RELN: variants seen among roughly 807,000 people sequenced by gnomAD.
RELN encodes the protein reelin.
A neutral mutation model predicts 427.6 loss-of-function variants in RELN; 108 were observed. The ratio of observed to expected loss-of-function variants is 0.25; its 90% confidence interval spans 0.22 to 0.30. The LOEUF (loss-of-function observed/expected upper bound fraction) is 0.30, where lower values mean the gene tolerates loss of function less well. RELN is among the 10% of genes least tolerant of loss of function. The pLI is 1.00. For synonymous variants in RELN, 1,524 were observed against 1,513.4 expected, an observed-to-expected ratio of 1.01 and a Z score of -0.16; for missense variants, 3,715 against 4,302.8, an observed-to-expected ratio of 0.86 and a Z score of 3.82.
At chr7:103,660,034 A>G (rs1206433721) in intron 12 of RELN, among the ~76,000 whole-genome samples, 1 of 152,170 alleles carries the variant, frequency 6.6e-6, no homozygotes, top group Non-Finnish European at 1.5e-5. Context: ...GCTTTGTTCC[A>G]GAAAAAATTA....
intron 1 of RELN, among the ~76,000 whole-genome samples, chr7:103,919,333 G>A (rs553890886): frequency 1.7e-4 from 26 of 149,318 alleles, no homozygotes; most frequent in African/African-American, 6.7e-4. Context: ...CAGCCCACAT[G>A]TTTTCACTGA....
intron 3 of RELN, among the ~76,000 whole-genome samples, chr7:103,797,531 T>C (rs1792338178): frequency 1.3e-5 from 2 of 152,230 alleles, no homozygotes; most frequent in African/African-American, 4.8e-5. Context: ...CCGTGGTTCA[T>C]TTGTCCTTAA....
At chr7:103,537,865 A>C (rs976638726) in intron 45 of RELN, among the ~76,000 whole-genome samples, 9 of 152,186 alleles carry the variant, frequency 5.9e-5, no homozygotes, top group Non-Finnish European at 1.3e-4. Flanking sequence ...TCAAGCATCA[A>C]GGTCCACTTA....
intron 48 of RELN, 57 bp from the exon 49 acceptor site, chr7:103,519,573 A>G: frequency 7.4e-7 from 1 of 1,348,990 alleles, no homozygotes; most frequent in Non-Finnish European, 1.0e-6. Flanking sequence ...TGCAGATTAT[A>G]GATTTTCTAT....
At chr7:103,627,205 C>T (rs1052605325) in intron 20 of RELN, among the ~76,000 whole-genome samples, 1 of 151,946 alleles carries the variant, frequency 6.6e-6, no homozygotes, top group Non-Finnish European at 1.5e-5. Context: ...GAAAAAAGGT[C>T]ATTGAAGGGC....
At chr7:103,914,628 C>G (rs979088727) in intron 2 of RELN, among the ~76,000 whole-genome samples, 1 of 151,988 alleles carries the variant, frequency 6.6e-6, no homozygotes, top group Non-Finnish European at 1.5e-5. Flanking sequence ...GGCTACCCAG[C>G]ATCTTATGAA....
intron 56 of RELN, 115 bp downstream of exon 56, chr7:103,496,411 G>A: frequency 7.3e-7 from 1 of 1,371,178 alleles, no homozygotes; most frequent in Non-Finnish European, 1.0e-6. Flanking sequence ...CATTTGTTGA[G>A]CAGGAGTATG....
At chr7:103,547,127 T>C (rs1342261882) in intron 41 of RELN, among the ~76,000 whole-genome samples, 1 of 152,212 alleles carries the variant, frequency 6.6e-6, no homozygotes, top group Admixed American at 6.5e-5. Context: ...CCTGTGAATC[T>C]TCCCAATTTT....
chr7:103,648,246 C>T (rs975219776), intron 16 of RELN, among the ~76,000 whole-genome samples: 4 of 151,902 alleles, frequency 2.6e-5, no homozygotes, highest in Non-Finnish European at 4.4e-5. Context: ...ATAGTGAGTT[C>T]TAACAAGATT....
chr7:103,578,207 G>A (rs1409807735), intron 28 of RELN, among the ~76,000 whole-genome samples: 2 of 152,092 alleles, frequency 1.3e-5, no homozygotes, highest in Non-Finnish European at 2.9e-5. Flanking sequence ...GAGTGAGGAG[G>A]TATCCTTGTT....
rs527934134 is a variant in RELN at position 103,798,316 on chromosome 7, T to G, written c.474-21689A>C. On this transcript the variant is annotated intron_variant, in intron 3 of 64. Coordinates refer to ENST00000428762, the MANE Select transcript of RELN (RefSeq NM_005045.4). ...TAGGTTCAAATCTTAGCTACAATAC[T>G]CCATAGTATTAAGATCTTTGGCAAA... Among the ~76,000 whole-genome samples, 8 of 152,304 alleles carry G rather than the reference T, an allele frequency of 5.3e-5. No homozygotes were observed. In the South Asian group the frequency reaches 1.4e-3, roughly 28 times the overall value.
chr7:103,778,762 G>C (rs893979684), intron 3 of RELN, among the ~76,000 whole-genome samples: 16 of 152,162 alleles, frequency 1.1e-4, no homozygotes, highest in African/African-American at 3.6e-4. Flanking sequence ...TAATGACAGA[G>C]TAATTGAACC....
At chr7:103,803,207 T>TA (rs1191585800) in intron 3 of RELN, among the ~76,000 whole-genome samples, 1 of 152,140 alleles carries the variant, frequency 6.6e-6, no homozygotes, top group African/African-American at 2.4e-5. Context: ...ACTTACTTTA[T>TA]AAATGCATTT....
intron 1 of RELN, among the ~76,000 whole-genome samples, chr7:103,976,113 G>A (rs1209921224): frequency 4.6e-5 from 7 of 152,156 alleles, no homozygotes. Context: ...GGTGCTACAG[G>A]GTTTGAGAGG....
rs1832892960 is a variant in RELN, at chr7:103,650,517, C to T, written c.1893-134G>A. On this transcript the variant is annotated intron_variant, in intron 15 of 64. Coordinates refer to ENST00000428762, the MANE Select transcript of RELN (RefSeq NM_005045.4). ...AGTTTACCAATAAACTCTTTAAATT[C>T]ACTTGTGGAATTTGTTTGTATCTTT... 4.2e-6 allele frequency: 3 copies of T among 719,712 alleles called. No individual in the cohort carries two copies. The South Asian group carries it at 4.5e-5, about 11-fold the overall frequency. The allele number at this position is 719,712 out of a possible 1,614,324, so 44.6% of individuals were successfully genotyped here.
intron 2 of RELN, among the ~76,000 whole-genome samples, chr7:103,887,628 G>A (rs576179183): frequency 1.3e-5 from 2 of 152,254 alleles, no homozygotes; most frequent in East Asian, 1.9e-4. Flanking sequence ...GAGAGAATTA[G>A]GAACTGGATG....
At chr7:103,750,877 T>C (rs1278906076) in intron 5 of RELN, among the ~76,000 whole-genome samples, 1 of 152,200 alleles carries the variant, frequency 6.6e-6, no homozygotes, top group Admixed American at 6.5e-5. Flanking sequence ...ACATTTGAGG[T>C]ATATTGAATA....
At chr7:103,827,896 G>T (rs39353) in intron 3 of RELN, among the ~76,000 whole-genome samples, 55,848 of 151,790 alleles carry the variant, frequency 0.37, 10,652 homozygotes, top group Non-Finnish European at 0.42. Flanking sequence ...CAGAGCATAG[G>T]TACAATCATT....
intron 4 of RELN, among the ~76,000 whole-genome samples, chr7:103,770,913 CTTT>C (rs751942279): frequency 4.2e-5 from 5 of 119,128 alleles, no homozygotes; most frequent in Non-Finnish European, 8.4e-5. Context: ...CAATCGCTTA[CTTT>C]TTTTTTTTTT....
Sources: allele counts gnomAD v4.1 joint callset (sites outside exome capture counted in the v4.1 genomes callset), GRCh38; gene constraint gnomAD v4.1.1; transcripts MANE v1.5; gene names NCBI Gene and HGNC (gene_info 2026-07-23, HGNC 2026-07-21).